The following CSMD3 variants were observed in gnomAD, a reference collection of about 807,000 sequenced individuals.
CSMD3 encodes the protein CUB and sushi domain-containing protein 3.
Under a neutral mutation model 435.2 loss-of-function variants are expected in CSMD3, and 177 were observed. That is an observed-to-expected ratio of 0.41 (90% CI 0.36 to 0.46). CSMD3 has a LOEUF of 0.46. Among genes scored for constraint, CSMD3 ranks in the 20% least tolerant of loss-of-function variants. CSMD3 has a pLI of 0.34. For synonymous variants in CSMD3, 1,656 were observed against 1,520.5 expected, an observed-to-expected ratio of 1.09 and a Z score of -2.07; for missense variants, 4,265 against 4,504.6, an observed-to-expected ratio of 0.95 and a Z score of 1.52.
At chr8:113,281,079 T>C (rs536616974) in intron 2 of CSMD3, among the ~76,000 whole-genome samples, 94 of 152,044 alleles carry the variant, frequency 6.2e-4, no homozygotes, top group Non-Finnish European at 1.2e-3. Flanking sequence ...GCCTATCATG[T>C]AGTCTATCTA....
chr8:112,574,650 C>T (rs1563721735), intron 23 of CSMD3, among the ~76,000 whole-genome samples: 1 of 151,842 alleles, frequency 6.6e-6, no homozygotes, highest in Non-Finnish European at 1.5e-5. Flanking sequence ...TCATTATGAC[C>T]CCCAAAGGTG....
At chr8:112,402,767 C>T (rs1586205219) in intron 35 of CSMD3, among the ~76,000 whole-genome samples, 1 of 152,184 alleles carries the variant, frequency 6.6e-6, no homozygotes, top group East Asian at 1.9e-4. Context: ...TATTATGTGT[C>T]TGTCTTCAAT....
At chr8:113,314,490 ATGT>A in intron 2 of CSMD3, 78 bp downstream of exon 2, 1 of 818,594 alleles carries the variant, frequency 1.2e-6, no homozygotes, top group South Asian at 1.4e-5. Flanking sequence ...TGCATCACAA[ATGT>A]TAAGCATCTT....
At chr8:113,387,259 C>T (rs1222054963) in intron 1 of CSMD3, among the ~76,000 whole-genome samples, 1 of 151,636 alleles carries the variant, frequency 6.6e-6, no homozygotes, top group Admixed American at 6.6e-5. Flanking sequence ...AATAAGTGAC[C>T]TCATATGAAT....
intron 13 of CSMD3, among the ~76,000 whole-genome samples, chr8:112,794,387 C>T (rs1054473410): frequency 3.3e-5 from 5 of 149,632 alleles, no homozygotes; most frequent in Non-Finnish European, 5.9e-5. Context: ...TCCACCTTCC[C>T]AGGTTCAAGC....
chr8:112,655,183 T>C (rs866174435), intron 18 of CSMD3, among the ~76,000 whole-genome samples: 3 of 152,112 alleles, frequency 2.0e-5, no homozygotes, highest in Non-Finnish European at 4.4e-5. Flanking sequence ...CTATTGAAGA[T>C]AGATGCCCAA....
At chr8:112,314,328 A>T in intron 48 of CSMD3, 101 bp downstream of exon 48, 3 of 887,510 alleles carry the variant, frequency 3.4e-6, no homozygotes, top group Non-Finnish European at 5.5e-6. Context: ...TATCTGTAAG[A>T]TAAACTCACA....
intron 70 of CSMD3, among the ~76,000 whole-genome samples, chr8:112,226,577 A>G (rs1383091645): frequency 1.3e-5 from 2 of 152,210 alleles, no homozygotes; most frequent in African/African-American, 4.8e-5. Context: ...CATCAAATGG[A>G]AACTTTTGTA....
chr8:112,265,831 A>C (rs1816891719), intron 59 of CSMD3, among the ~76,000 whole-genome samples: 1 of 152,178 alleles, frequency 6.6e-6, no homozygotes, highest in African/African-American at 2.4e-5. Context: ...TGAAAAGGCT[A>C]GGTTAATATG....
intron 45 of CSMD3, among the ~76,000 whole-genome samples, chr8:112,325,551 T>TTTAGGGCA (rs547040870): frequency 2.7e-3 from 416 of 152,250 alleles, no homozygotes; most frequent in Admixed American, 5.5e-3. Flanking sequence ...CTACTAACTC[T>TTTAGGGCA]TTAGGGCATA....
intron 5 of CSMD3, among the ~76,000 whole-genome samples, chr8:113,052,233 C>T (rs753983353): frequency 3.3e-5 from 5 of 152,044 alleles, no homozygotes; most frequent in Non-Finnish European, 7.4e-5. Context: ...AAAATTCTGA[C>T]CAAAGGAGAA....
intron 64 of CSMD3, among the ~76,000 whole-genome samples, chr8:112,245,290 G>C (rs1586517431): frequency 6.6e-6 from 1 of 151,910 alleles, no homozygotes; most frequent in East Asian, 1.9e-4. Context: ...GTCTTATAAA[G>C]ACCATTCCTT....
intron 24 of CSMD3, among the ~76,000 whole-genome samples, chr8:112,562,569 G>A (rs1232481517): frequency 1.3e-5 from 2 of 151,046 alleles, no homozygotes; most frequent in African/African-American, 4.8e-5. Flanking sequence ...AGAGAAATAT[G>A]CTTGCCAAAA....
chr8:113,426,081 A>G (rs909591434), intron 1 of CSMD3, among the ~76,000 whole-genome samples: 3 of 151,474 alleles, frequency 2.0e-5, no homozygotes, highest in Admixed American at 6.6e-5. Flanking sequence ...CGTCTCCAAA[A>G]GAGTCAGCTG....
At chr8:112,459,122 C>T (rs373669209) in intron 32 of CSMD3, among the ~76,000 whole-genome samples, 38 of 152,160 alleles carry the variant, frequency 2.5e-4, no homozygotes, top group Non-Finnish European at 4.3e-4. Context: ...AAATGTCCAA[C>T]GGGTTTTGTT....
At position 112,690,034 on chromosome 8, in the gene CSMD3, ACTTT is replaced by A. The variant is rs1320485878; in HGVS notation, c.1985_1988del (p.Glu662ValfsTer24). 3.1e-6 allele frequency: 5 copies of A among 1,613,104 alleles called. No individual in the cohort carries two copies. The highest frequency in any genetic ancestry group is 3.4e-6 in the Non-Finnish European group (4 of 1,179,318). On this transcript the variant is annotated frameshift_variant, in exon 14 of 71. Transcript: ENST00000297405. LOFTEE classifies it high-confidence loss of function. ...ATAAGGGTGTACCAGGATCACCACA[ACTTT>A]CTTTCTCAATTTCTGGAAAAATAGA...
chr8:112,880,332 T>C (rs1447799182), intron 10 of CSMD3, among the ~76,000 whole-genome samples: 1 of 152,086 alleles, frequency 6.6e-6, no homozygotes, highest in East Asian at 1.9e-4. Context: ...GGTGGGATCC[T>C]ACGCTTAAGG....
chr8:113,171,600 C>T (rs80051732), intron 4 of CSMD3, among the ~76,000 whole-genome samples: 8,067 of 151,954 alleles, frequency 0.053, 338 homozygotes, highest in Non-Finnish European at 0.084. Flanking sequence ...ATATAATATC[C>T]AATTCCTCCA....
At position 112,307,641 on chromosome 8, in the gene CSMD3, G is replaced by A. The variant is rs185759528; in HGVS notation, c.7886-1449C>T. Among the ~76,000 whole-genome samples, 19 of 152,122 alleles carry A rather than the reference G, an allele frequency of 1.2e-4. No individual in the cohort carries two copies. The South Asian group carries it at 2.5e-3, about 20-fold the overall frequency. On this transcript the variant is annotated intron_variant, in intron 50 of 70. Transcript: ENST00000297405. ...AATATTTATACATATCTCCACATAA[G>A]GACTAACGTATTTGAATATGAGTGT...
Sources: gnomAD v4.1 joint callset for allele counts (sites outside exome capture counted in the v4.1 genomes callset) on GRCh38, gnomAD v4.1.1 for gene constraint, MANE v1.5 for transcripts, NCBI Gene and HGNC (gene_info 2026-07-23, HGNC 2026-07-21) for gene names.